The following HSD17B2 variants were observed in gnomAD, a reference collection of about 807,000 sequenced individuals.
The protein encoded by HSD17B2 is 17-beta-hydroxysteroid dehydrogenase type 2.
A neutral mutation model predicts 26.9 loss-of-function variants in HSD17B2; 32 were observed. The observed-to-expected ratio is 1.19, with a 90% CI of 0.90 to 1.60. HSD17B2 has a LOEUF of 1.60. Ranked by LOEUF, HSD17B2 falls within the 40% of genes most tolerant of loss-of-function variation. The probability of loss-of-function intolerance (pLI) is 0.00; values close to 1 mark genes in which losing one functional copy is unlikely to be tolerated. For missense variants in HSD17B2, 613 were observed against 468.6 expected, an observed-to-expected ratio of 1.31 and a Z score of -2.85; for synonymous variants, 246 against 186.7, an observed-to-expected ratio of 1.32 and a Z score of -2.59.
At chr16:82,065,374 G>C (rs758755856) in intron 1 of HSD17B2, among the ~76,000 whole-genome samples, 2 of 152,148 alleles carry the variant, frequency 1.3e-5, no homozygotes, top group African/African-American at 4.8e-5. Flanking sequence ...CAAGGTCATG[G>C]TGTTTGTCTC....
intron 1 of HSD17B2, among the ~76,000 whole-genome samples, chr16:82,042,129 G>C (rs180739480): frequency 1.3e-5 from 2 of 151,240 alleles, no homozygotes; most frequent in Non-Finnish European, 2.9e-5. Flanking sequence ...TCAGCCTCCC[G>C]AGTAGCTGGG....
chr16:82,070,128 A>C (rs902773823), intron 2 of HSD17B2, among the ~76,000 whole-genome samples: 3 of 152,104 alleles, frequency 2.0e-5, no homozygotes, highest in Non-Finnish European at 4.4e-5. Context: ...TCAACATGTC[A>C]AATGTTGTTT....
In HSD17B2 at chr16:82,035,372, G is replaced by C. The variant is rs1179446894; in HGVS notation, c.-53G>C. ...CTCAGGCTGCCTCCAGCCAGCCTTTGCCCGCTAGACTCACTGGCCCTGAGC... is the reference window on the plus strand; with the variant it reads ...CTCAGGCTGCCTCCAGCCAGCCTTTCCCCGCTAGACTCACTGGCCCTGAGC... On this transcript the variant is annotated 5_prime_UTR_variant, in exon 1 of 5. Coordinates refer to ENST00000199936, the MANE Select transcript of HSD17B2 (RefSeq NM_002153.3). 1 of 1,560,508 alleles carries C rather than the reference G, an allele frequency of 6.4e-7. No homozygotes were observed. The highest frequency in any genetic ancestry group is 8.7e-7 in the Non-Finnish European group (1 of 1,150,230).
chr16:82,093,873 G>T (rs780680071), intron 4 of HSD17B2: 1 of 152,188 alleles, frequency 6.6e-6, no homozygotes, highest in Non-Finnish European at 1.5e-5. Flanking sequence ...AAGTGGGAGG[G>T]ATGGCCTGGA....
At chr16:82,087,384 A>G (rs993254274) in intron 3 of HSD17B2, among the ~76,000 whole-genome samples, 1 of 152,224 alleles carries the variant, frequency 6.6e-6, no homozygotes, top group Non-Finnish European at 1.5e-5. Context: ...AAAAGCCTTA[A>G]GACACAGCGG....
In HSD17B2 at chr16:82,035,581, T is replaced by C; in HGVS notation, c.157T>C (p.Ser53Pro). ...GLCAVCLLILSPFWGLILFSV... is the reference protein window; with the variant it reads ...GLCAVCLLILPPFWGLILFSV... Reference sequence around the variant, plus strand: ...CTGTGCAGTCTGCCTGCTCATCCTGTCCCCTTTTTGGGGCTTGATCCTCTT... The same window carrying C: ...CTGTGCAGTCTGCCTGCTCATCCTGCCCCCTTTTTGGGGCTTGATCCTCTT... Residue 53 changes from serine (S) to proline (P), a missense_variant, in exon 1 of 5, where the codon TCC becomes CCC. Transcript: ENST00000199936. The C allele has an allele frequency of 6.2e-7, 1 of 1,613,962 alleles. No individual in the cohort carries two copies. The highest frequency in any genetic ancestry group is 1.3e-5 in the African/African-American group (1 of 74,992).
At chr16:82,036,388 A>C (rs1011865139) in intron 1 of HSD17B2, among the ~76,000 whole-genome samples, 1 of 150,542 alleles carries the variant, frequency 6.6e-6, no homozygotes, top group Non-Finnish European at 1.5e-5. Flanking sequence ...TGTGAGGCCA[A>C]ATTAAATTTC....
intron 1 of HSD17B2, among the ~76,000 whole-genome samples, chr16:82,047,997 A>G (rs1368672120): frequency 6.6e-6 from 1 of 152,236 alleles, no homozygotes; most frequent in African/African-American, 2.4e-5. Context: ...TTTGCGAAAA[A>G]TATTATATCT....
In HSD17B2 at chr16:82,050,049, C is replaced by T. The variant is rs8191093; in HGVS notation, c.265+14360C>T. Among the ~76,000 whole-genome samples the T allele has an allele frequency of 2.9e-4, 44 of 152,334 alleles. No homozygotes were observed. In the East Asian group the frequency reaches 3.9e-3, roughly 13 times the overall value. On this transcript the variant is annotated intron_variant, in intron 1 of 4. Transcript: ENST00000199936. ...CCTGGGCATTGGTGTTTCTTTAGAG[C>T]GCCTCCGTCCCAGGTGAAGCTAATG...
intron 3 of HSD17B2, among the ~76,000 whole-genome samples, chr16:82,075,908 T>TA (rs58081050): frequency 0.87 from 117,370 of 134,658 alleles, 51,707 homozygotes; most frequent in Middle Eastern, 0.95. Context: ...AAATACATGT[T>TA]AAAAAAAAAA....
At chr16:82,089,736 T>C (rs1381867024) in intron 3 of HSD17B2, among the ~76,000 whole-genome samples, 1 of 152,162 alleles carries the variant, frequency 6.6e-6, no homozygotes, top group Non-Finnish European at 1.5e-5. Flanking sequence ...TTGGGCAACA[T>C]AACCCAAATC....
intron 3 of HSD17B2, among the ~76,000 whole-genome samples, chr16:82,083,193 T>A (rs1904428402): frequency 6.6e-6 from 1 of 152,156 alleles, no homozygotes; most frequent in Non-Finnish European, 1.5e-5. Context: ...AGGAGTGGGA[T>A]GGGGAGAAAC....
chr16:82,077,154 T>C (rs563384040), intron 3 of HSD17B2, among the ~76,000 whole-genome samples: 2 of 152,108 alleles, frequency 1.3e-5, no homozygotes, highest in East Asian at 3.9e-4. Context: ...TTCACAGAAA[T>C]AGAAAAAGAA....
chr16:82,068,712 A>G (rs1213516198), intron 2 of HSD17B2, among the ~76,000 whole-genome samples: 2 of 151,898 alleles, frequency 1.3e-5, no homozygotes, highest in Non-Finnish European at 2.9e-5. Flanking sequence ...TCCAGCTTCG[A>G]AAAAAAATAC....
intron 3 of HSD17B2, among the ~76,000 whole-genome samples, chr16:82,087,906 A>G (rs1478245818): frequency 2.0e-5 from 3 of 152,138 alleles, no homozygotes; most frequent in Non-Finnish European, 4.4e-5. Context: ...AGATAATGGC[A>G]TTAATCCATT....
intron 3 of HSD17B2, among the ~76,000 whole-genome samples, chr16:82,079,175 T>G (rs1382666049): frequency 6.6e-6 from 1 of 152,050 alleles, no homozygotes; most frequent in South Asian, 2.1e-4. Flanking sequence ...CCACAAAATA[T>G]TAAACATTAA....
intron 3 of HSD17B2, among the ~76,000 whole-genome samples, chr16:82,082,784 T>C (rs1282842812): frequency 6.6e-6 from 1 of 152,222 alleles, no homozygotes; most frequent in African/African-American, 2.4e-5. Flanking sequence ...TTATGAAGGA[T>C]CCATTACATT....
intron 3 of HSD17B2, among the ~76,000 whole-genome samples, chr16:82,082,147 T>C (rs1486182491): frequency 1.3e-5 from 2 of 152,204 alleles, no homozygotes; most frequent in Admixed American, 6.5e-5. Context: ...GTTTGGCTCC[T>C]TTGTTTTCCG....
Position 82,035,294 on chromosome 16 carries a change from A to T in HSD17B2, c.-131A>T. 1 of 768,294 alleles carries T rather than the reference A, an allele frequency of 1.3e-6. No individual in the cohort carries two copies. Among genetic ancestry groups the T allele is most frequent in the Non-Finnish European group, 2.1e-6 (1 of 476,840 alleles). 47.6% of individuals were successfully genotyped at this position (768,294 alleles called of 1,614,324 possible). A position where few individuals can be genotyped will look rare whatever the true frequency, so the allele number is the denominator to read the frequency against. On this transcript the variant is annotated 5_prime_UTR_variant, in exon 1 of 5. An upstream open reading frame in the 5' UTR loses its in-frame stop. Coordinates refer to ENST00000199936, the MANE Select transcript of HSD17B2 (RefSeq NM_002153.3). ...ATTATGCTTAATCTATGCTCAGTTG[A>T]AAGGGGCTGGGGCTGCTTTCTCCCC...
Sources: gnomAD v4.1 joint callset for allele counts (sites outside exome capture counted in the v4.1 genomes callset) on GRCh38, gnomAD v4.1.1 for gene constraint, MANE v1.5 for transcripts, NCBI Gene and HGNC (gene_info 2026-07-23, HGNC 2026-07-21) for gene names.